The following TECRL variants were observed in gnomAD, a reference collection of about 807,000 sequenced individuals.
TECRL encodes the protein trans-2,3-enoyl-CoA reductase like, also known as trans-2,3-enoyl-CoA reductase-like.
TECRL carries 63 observed loss-of-function variants against 52.8 expected under a neutral mutation model. The observed-to-expected ratio is 1.19, with a 90% confidence interval of 0.97 to 1.47. The LOEUF (loss-of-function observed/expected upper bound fraction) is 1.47, where lower values mean the gene tolerates loss of function less well. Among genes scored for constraint, TECRL ranks in the 40% most tolerant of loss-of-function variants. The probability of loss-of-function intolerance (pLI) is 0.00; values close to 1 mark genes in which losing one functional copy is unlikely to be tolerated. For synonymous variants in TECRL, 164 were observed against 141.9 expected (o/e 1.16, Z -1.10); for missense variants, 482 against 429.6 (o/e 1.12, Z -1.08).
chr4:64,307,352 G>A (rs908516489), intron 6 of TECRL, among the ~76,000 whole-genome samples: 2 of 152,280 alleles, frequency 1.3e-5, no homozygotes, highest in African/African-American at 2.4e-5. Context: ...CTGGAGAGCT[G>A]GGGTGCAGCA....
At chr4:64,392,984 T>C (rs1049560731) in intron 1 of TECRL, among the ~76,000 whole-genome samples, 2 of 151,960 alleles carry the variant, frequency 1.3e-5, no homozygotes, top group Non-Finnish European at 2.9e-5. Flanking sequence ...GTCACTCTAC[T>C]ATCCTGCTTA....
intron 2 of TECRL, among the ~76,000 whole-genome samples, chr4:64,364,187 A>G (rs1404175875): frequency 6.6e-6 from 1 of 152,056 alleles, no homozygotes; most frequent in Non-Finnish European, 1.5e-5. Flanking sequence ...ATTAGGGCAG[A>G]AATTTAAAAA....
chr4:64,317,909 G>A (rs946100829), intron 4 of TECRL, among the ~76,000 whole-genome samples: 20 of 152,086 alleles, frequency 1.3e-4, no homozygotes. Context: ...ACAGATTTTT[G>A]ATGGGGCCTG....
At chr4:64,299,918 T>G in intron 8 of TECRL, 56 bp downstream of exon 8, 1 of 1,088,822 alleles carries the variant, frequency 9.2e-7, no homozygotes, top group South Asian at 1.9e-5. Context: ...CAGTCTGTTT[T>G]TCTTAATAAT....
intron 2 of TECRL, among the ~76,000 whole-genome samples, chr4:64,349,739 C>T (rs1218780181): frequency 6.6e-6 from 1 of 152,040 alleles, no homozygotes; most frequent in East Asian, 1.9e-4. Context: ...CACAGCCAGG[C>T]CTTGAAGAGA....
At chr4:64,314,244 A>C (rs2110010699) in intron 5 of TECRL, among the ~76,000 whole-genome samples, 1 of 152,184 alleles carries the variant, frequency 6.6e-6, no homozygotes. Context: ...TTAGGTCATT[A>C]TTTCTTTCCT....
At chr4:64,314,437 C>G (rs1717319906) in intron 5 of TECRL, among the ~76,000 whole-genome samples, 1 of 152,034 alleles carries the variant, frequency 6.6e-6, no homozygotes, top group South Asian at 2.1e-4. Context: ...CCTAATAGTT[C>G]TTAGTTTACA....
intron 2 of TECRL, among the ~76,000 whole-genome samples, chr4:64,337,309 C>T (rs1560509638): frequency 6.6e-6 from 1 of 152,148 alleles, no homozygotes; most frequent in Non-Finnish European, 1.5e-5. Context: ...GACAAACCCA[C>T]AGCCAATATC....
At chr4:64,311,151 C>T (rs569384443) in intron 5 of TECRL, among the ~76,000 whole-genome samples, 100 of 152,196 alleles carry the variant, frequency 6.6e-4, no homozygotes, top group African/African-American at 2.2e-3. Context: ...ATTTCTGGTA[C>T]GAGTAGGGTG....
intron 8 of TECRL, among the ~76,000 whole-genome samples, chr4:64,298,690 T>A (rs996685345): frequency 6.6e-6 from 1 of 150,898 alleles, no homozygotes; most frequent in Non-Finnish European, 1.5e-5. Flanking sequence ...CAGAAAAAAA[T>A]TATAACCCAC....
At chr4:64,308,475 AG>A (rs916811967) in intron 6 of TECRL, among the ~76,000 whole-genome samples, 1 of 152,162 alleles carries the variant, frequency 6.6e-6, no homozygotes, top group African/African-American at 2.4e-5. Flanking sequence ...CAACAACCCC[AG>A]GGGGATCTCT....
At chr4:64,384,901 G>T (rs1355459204) in intron 1 of TECRL, among the ~76,000 whole-genome samples, 1 of 152,188 alleles carries the variant, frequency 6.6e-6, no homozygotes, top group Non-Finnish European at 1.5e-5. Flanking sequence ...TCTCCCCAAT[G>T]TTATCTGCAG....
intron 6 of TECRL, among the ~76,000 whole-genome samples, chr4:64,307,723 C>A (rs945540333): frequency 6.6e-6 from 1 of 152,126 alleles, no homozygotes; most frequent in Non-Finnish European, 1.5e-5. Context: ...GAATTTAACC[C>A]ATGTATATAA....
At chr4:64,281,129 C>A in intron 10 of TECRL, 43 bp from the exon 11 acceptor site, 2 of 1,502,746 alleles carry the variant, frequency 1.3e-6, no homozygotes, top group South Asian at 1.2e-5. Flanking sequence ...TAAATGGAAT[C>A]TAGTAATTTG....
intron 1 of TECRL, among the ~76,000 whole-genome samples, chr4:64,400,073 G>A (rs1724244439): frequency 6.6e-6 from 1 of 152,234 alleles, no homozygotes; most frequent in Non-Finnish European, 1.5e-5. Flanking sequence ...TGTTAGAGCA[G>A]CCATAGGGAC....
At chr4:64,349,716 T>C (rs1028138489) in intron 2 of TECRL, among the ~76,000 whole-genome samples, 5 of 152,170 alleles carry the variant, frequency 3.3e-5, no homozygotes, top group African/African-American at 1.2e-4. Context: ...ATATATCACA[T>C]TATGTTGTGG....
intron 8 of TECRL, among the ~76,000 whole-genome samples, chr4:64,298,058 A>G (rs769261806): frequency 1.3e-5 from 2 of 151,200 alleles, no homozygotes; most frequent in Non-Finnish European, 3.0e-5. Context: ...GTTTTCACCT[A>G]TGCTTAATAT....
rs141506493 is a variant in TECRL, at chr4:64,320,707, T to G, written c.435+1982A>C. Among the ~76,000 whole-genome samples the G allele has an allele frequency of 5.4e-3, 821 of 152,208 alleles. 4 individuals carry two copies. Among genetic ancestry groups the G allele is most frequent in the African/African-American group, 0.019 (782 of 41,566 alleles). On this transcript the variant is annotated intron_variant, in intron 4 of 11. Coordinates refer to ENST00000381210, the MANE Select transcript of TECRL (RefSeq NM_001010874.5). Reference sequence around the variant, plus strand: ...CACAATTTCTGTAAACAGAGTTCCCTTTTCGTTGTAAATGTGGACAAAGAC... The same window carrying G: ...CACAATTTCTGTAAACAGAGTTCCCGTTTCGTTGTAAATGTGGACAAAGAC...
intron 1 of TECRL, among the ~76,000 whole-genome samples, chr4:64,393,100 A>C (rs1249896150): frequency 6.6e-6 from 1 of 151,982 alleles, no homozygotes; most frequent in African/African-American, 2.4e-5. Flanking sequence ...TTGGTTGATG[A>C]TGCTACATTT....
Sources: allele counts gnomAD v4.1 joint callset (sites outside exome capture counted in the v4.1 genomes callset), GRCh38; gene constraint gnomAD v4.1.1; transcripts MANE v1.5; gene names NCBI Gene and HGNC (gene_info 2026-07-23, HGNC 2026-07-21).